The following RIF1 variants were observed in gnomAD, a reference collection of about 807,000 sequenced individuals.
RIF1 encodes telomere-associated protein RIF1.
A neutral mutation model predicts 247.1 loss-of-function variants in RIF1; 45 were observed. That is an observed-to-expected ratio of 0.18 (90% CI 0.14 to 0.23). RIF1 has a LOEUF of 0.23. Ranked by LOEUF, RIF1 falls within the 10% of genes least tolerant of loss-of-function variation. The probability of loss-of-function intolerance (pLI) is 1.00; values close to 1 mark genes in which losing one functional copy is unlikely to be tolerated. For synonymous variants in RIF1, 1,087 were observed against 978.8 expected (o/e 1.11, Z -2.06); for missense variants, 2,967 against 2,862.5 (o/e 1.04, Z -0.83).
chr2:151,495,666 GAAC>G (rs35696429), intron 10 of RIF1, among the ~76,000 whole-genome samples: 44 of 150,518 alleles, frequency 2.9e-4, no homozygotes, highest in Middle Eastern at 3.5e-3. Context: ...TAAAACTAAA[GAAC>G]AACAACAACA....
rs1013608543 is a variant in RIF1, at chr2:151,462,541, G to A, written c.3363+75G>A. On this transcript the variant is annotated intron_variant, in intron 29 of 35. Coordinates refer to ENST00000444746, the MANE Select transcript of RIF1 (RefSeq NM_018151.5). ...ATACAGTCTGTTAAACTGCTGAAAT[G>A]TCTGTAGGTCTTCCCTTTATTAATT... is the stretch of plus-strand genomic sequence containing the variant. The A allele has an allele frequency of 1.5e-5, 13 of 893,718 alleles. No homozygotes were observed. In the African/African-American group the frequency reaches 2.0e-4, roughly 14 times the overall value. 55.4% of individuals were successfully genotyped at this position (893,718 alleles called of 1,614,324 possible).
the RIF1 span, among the ~76,000 whole-genome samples, chr2:151,522,752 A>G: frequency 1.3e-5 from 2 of 152,210 alleles, no homozygotes; most frequent in East Asian, 1.9e-4. Flanking sequence ...TGATGTGTAC[A>G]TTAATTTTCT....
Position 151,493,333 on chromosome 2 carries a change from T to A in RIF1, c.*416-1896T>A. The A allele has an allele frequency of 6.4e-7, 1 of 1,565,080 alleles. No homozygotes were observed. Among genetic ancestry groups the A allele is most frequent in the African/African-American group, 1.4e-5 (1 of 74,006 alleles). ...ATTTTCCAAGTTGTTGCACTATTTC[T>A]TTTTAGTCCTAGAAAATACCGAGCT... On this transcript the variant is annotated intron_variant and NMD_transcript_variant, in intron 9 of 13. Coordinates refer to the RIF1 transcript ENST00000454583.
chr2:151,461,323 G>A (rs952467568), intron 27 of RIF1, 34 bp downstream of exon 27: 1 of 1,595,754 alleles, frequency 6.3e-7, no homozygotes, highest in Non-Finnish European at 8.6e-7. Context: ...TTGGGTATTT[G>A]GTATTCAGGC....
chr2:151,416,154 TAC>T (rs1312195827), intron 4 of RIF1, among the ~76,000 whole-genome samples: 2 of 152,252 alleles, frequency 1.3e-5, no homozygotes, highest in African/African-American at 4.8e-5. Context: ...TCAAAGTTGT[TAC>T]CATCTGTTTT....
intron 9 of RIF1, chr2:151,493,696 T>C: frequency 1.7e-6 from 2 of 1,177,986 alleles, no homozygotes; most frequent in South Asian, 3.1e-5. Context: ...TTGGAAAAAC[T>C]GTAAGATAAA....
rs2060106681 is a variant in RIF1, at chr2:151,496,259, C to G, written c.*513+933C>G. On this transcript the variant is annotated intron_variant and NMD_transcript_variant, in intron 10 of 13. Transcript: ENST00000454583. ...TTTAAAATCAGTAAGTAGTTTTTTT[C>G]TTTTCTCGCCAAGTACCGAGCTAAT... 7.0e-6 allele frequency: 11 copies of G among 1,576,812 alleles called. No homozygotes were observed. Among genetic ancestry groups the G allele is most frequent in the Non-Finnish European group, 9.5e-6 (11 of 1,153,402 alleles).
At position 151,443,558 on chromosome 2, in the gene RIF1, G is replaced by A; in HGVS notation, c.1835G>A (p.Gly612Asp). Reference protein sequence around the residue: ...RFFLSLESLVGCVLSGPTSPL... With the variant: ...RFFLSLESLVDCVLSGPTSPL... ...TTTCTCAGTTTGGAATCACTTGTAG[G>A]CTGTGTTCTTTCTGGTCCAACTTCA... The change falls in exon 18 of 36, where the codon GGC becomes GAC. Residue 612 changes from glycine (G) to aspartate (D), a missense_variant. Physicochemically the swap from Gly to Asp is moderately conservative, Grantham distance 94 (BLOSUM62 -1). Around this residue, in one of 7 missense-constraint regions of RIF1, gnomAD observed 369 missense variants for 322.0 expected, o/e 1.15. Coordinates refer to ENST00000444746, the MANE Select transcript of RIF1 (RefSeq NM_018151.5). 3.7e-6 allele frequency: 6 copies of A among 1,605,864 alleles called. No individual in the cohort carries two copies. Among genetic ancestry groups the A allele is most frequent in the Non-Finnish European group, 5.1e-6 (6 of 1,177,726 alleles).
chr2:151,427,717 T>C (rs1454555085), intron 8 of RIF1, among the ~76,000 whole-genome samples: 2 of 150,072 alleles, frequency 1.3e-5, no homozygotes, highest in African/African-American at 2.5e-5. Context: ...GGTCAGTAGT[T>C]AGTCACCAGC....
intron 3 of RIF1, among the ~76,000 whole-genome samples, chr2:151,413,490 GTTTATATGTC>G (rs1430066814): frequency 6.6e-6 from 1 of 152,204 alleles, no homozygotes; most frequent in African/African-American, 2.4e-5. Context: ...AATAGAACAT[GTTTATATGTC>G]GTGTTCAGAG....
chr2:151,496,667 A>G (rs2060430185), intron 10 of RIF1, among the ~76,000 whole-genome samples: 1 of 152,114 alleles, frequency 6.6e-6, no homozygotes. Flanking sequence ...TGAGGATTTG[A>G]GACTGTTAGA....
At chr2:151,531,417 A>C in the RIF1 span, among the ~76,000 whole-genome samples, 1 of 148,916 alleles carries the variant, frequency 6.7e-6, no homozygotes, top group African/African-American at 2.5e-5. Context: ...CCTGGGCTCA[A>C]GCAATTGTCA....
At position 151,480,765 on chromosome 2, in the gene RIF1, TTTTTTA is replaced by T. The variant is rs969902436; in HGVS notation, c.*5702_*5707del. 5 of 150,070 alleles carry T rather than the reference TTTTTTA, an allele frequency of 3.3e-5. No individual in the cohort carries two copies. The highest frequency in any genetic ancestry group is 1.2e-4 in the African/African-American group (5 of 41,296). The allele number at this position is 150,070 out of a possible 1,614,324, so 9.3% of individuals were successfully genotyped here. On this transcript the variant is annotated 3_prime_UTR_variant, in exon 36 of 36. Transcript: ENST00000444746. ...GAATAGCTAACAAGTGTCTAAAGAA[TTTTTTA>T]TTTTTATAGAATAGGAAGTTTCTAA... is the stretch of plus-strand genomic sequence containing the variant.
rs1018274912 is a variant in RIF1 at position 151,493,579 on chromosome 2, G to A, written c.*416-1650G>A. 8.0e-5 allele frequency: 59 copies of A among 737,174 alleles called. 2 individuals carry two copies. Among genetic ancestry groups the A allele is most frequent in the Middle Eastern group, 4.8e-4 (2 of 4,206 alleles). 45.7% of individuals were successfully genotyped at this position (737,174 alleles called of 1,614,324 possible). The stretch of plus-strand genomic sequence containing the variant: ...GAAGGTAAAGCTATTAAAATGTTAC[G>A]GTAGGAAGCAAAAGTTTAAGAAAGA... On this transcript the variant is annotated intron_variant and NMD_transcript_variant, in intron 9 of 13. Transcript: ENST00000454583.
the RIF1 span, chr2:151,534,201 C>A: frequency 6.2e-7 from 1 of 1,604,230 alleles, no homozygotes; most frequent in Non-Finnish European, 8.5e-7. Context: ...CACCGGCCAG[C>A]CCCATCACAG....
intron 12 of RIF1, chr2:151,506,045 G>T (rs2068627605): frequency 3.5e-6 from 3 of 851,846 alleles, no homozygotes; most frequent in African/African-American, 1.7e-5. Context: ...TGGTACACAG[G>T]CACCTATTTT....
chr2:151,497,014 A>G (rs2060664856), intron 10 of RIF1: 4 of 1,572,472 alleles, frequency 2.5e-6, no homozygotes, highest in Non-Finnish European at 3.5e-6. Context: ...TCCCTTGCCC[A>G]TGTTTTCTTT....
downstream of RIF1, among the ~76,000 whole-genome samples, chr2:151,509,205 G>T (rs908803548): frequency 2.6e-5 from 4 of 152,154 alleles, no homozygotes; most frequent in African/African-American, 9.7e-5. Flanking sequence ...CCTAGATTTT[G>T]TTCATCTAAA....
chr2:151,452,444 G>A (rs1694478165), intron 21 of RIF1, among the ~76,000 whole-genome samples: 1 of 152,164 alleles, frequency 6.6e-6, no homozygotes, highest in South Asian at 2.1e-4. Flanking sequence ...AAAGATTAGG[G>A]ACATAAAATT....
Sources: gnomAD v4.1 joint callset for allele counts (sites outside exome capture counted in the v4.1 genomes callset) on GRCh38, gnomAD v4.1.1 for gene constraint, gnomAD v4.1.1 regional missense constraint, MANE v1.5 for transcripts, NCBI Gene and HGNC (gene_info 2026-07-23, HGNC 2026-07-21) for gene names.